The following RNF24 variants were observed in gnomAD, a reference collection of about 807,000 sequenced individuals.
The protein encoded by RNF24 is ring finger protein 24.
A neutral mutation model predicts 20.0 loss-of-function variants in RNF24; 14 were observed. The ratio of observed to expected loss-of-function variants is 0.70; its 90% CI spans 0.46 to 1.10. The LOEUF (loss-of-function observed/expected upper bound fraction) is 1.10. Ranked by LOEUF, RNF24 falls within the 50% of genes least tolerant of loss-of-function variation. The pLI, the probability that RNF24 is intolerant of heterozygous loss-of-function variation, is 0.00. For missense variants in RNF24, 124 were observed against 177.6 expected (o/e 0.70, Z 1.71); for synonymous variants, 45 against 61.1 (o/e 0.74, Z 1.23).
intron 1 of RNF24, among the ~76,000 whole-genome samples, chr20:4,011,542 A>G (rs572068262): frequency 7.2e-5 from 11 of 152,368 alleles, no homozygotes; most frequent in African/African-American, 2.6e-4. Flanking sequence ...CAGCAGGACC[A>G]TCTCCTGGGG....
chr20:3,991,916 G>T (rs1980471126), intron 1 of RNF24, among the ~76,000 whole-genome samples: 1 of 151,146 alleles, frequency 6.6e-6, no homozygotes, highest in Non-Finnish European at 1.5e-5. Flanking sequence ...AATAGAATAT[G>T]TGTGGCTATA....
chr20:3,938,210 T>A (rs572827286), intron 4 of RNF24, among the ~76,000 whole-genome samples: 1 of 152,370 alleles, frequency 6.6e-6, no homozygotes, highest in Admixed American at 6.5e-5. Flanking sequence ...GACCACCACA[T>A]ATCTTCTTTG....
intron 1 of RNF24, among the ~76,000 whole-genome samples, chr20:4,002,982 T>A (rs923173305): frequency 2.0e-5 from 3 of 152,202 alleles, no homozygotes; most frequent in African/African-American, 7.2e-5. Flanking sequence ...TTTTCTTTTT[T>A]CTTTTCTGAG....
intron 1 of RNF24, chr20:3,974,471 C>T: frequency 2.2e-6 from 3 of 1,346,642 alleles, no homozygotes; most frequent in Non-Finnish European, 2.9e-6. Flanking sequence ...TTAAACTGAG[C>T]CTATTTGCCA....
chr20:3,970,506 T>C (rs2091304165), intron 1 of RNF24, among the ~76,000 whole-genome samples: 1 of 152,170 alleles, frequency 6.6e-6, no homozygotes, highest in Non-Finnish European at 1.5e-5. Context: ...CAGATGCTAA[T>C]GTCAATGACA....
At chr20:3,948,422 C>A in intron 2 of RNF24, 143 bp from the exon 3 acceptor site, 1 of 593,528 alleles carries the variant, frequency 1.7e-6, no homozygotes, top group South Asian at 2.3e-5. Flanking sequence ...CTGAAATACA[C>A]CCAAATGATG....
rs539647039 is a variant in RNF24, at chr20:3,930,838, C to T, written c.*3225G>A. The T allele has an allele frequency of 2.0e-5, 3 of 152,212 alleles. No individual in the cohort carries two copies. Among genetic ancestry groups the T allele is most frequent in the African/African-American group, 7.2e-5 (3 of 41,446 alleles). 9.4% of individuals were successfully genotyped at this position (152,212 alleles called of 1,614,324 possible). ...GGGAAAAGGATCTTCTTGTCAAGAACAGGGTATCCGGCAATGGTGGGAGGT... is the reference window on the plus strand; with the variant it reads ...GGGAAAAGGATCTTCTTGTCAAGAATAGGGTATCCGGCAATGGTGGGAGGT... On this transcript the variant is annotated 3_prime_UTR_variant, in exon 6 of 6. Coordinates refer to ENST00000358395, the MANE Select transcript of RNF24 (RefSeq NM_001134337.3).
At chr20:3,999,789 A>T (rs1981236346) in intron 1 of RNF24, among the ~76,000 whole-genome samples, 1 of 152,204 alleles carries the variant, frequency 6.6e-6, no homozygotes, top group South Asian at 2.1e-4. Flanking sequence ...AAACAAAAAA[A>T]GTCACTTCAT....
chr20:3,972,359 T>C (rs866530115), intron 1 of RNF24, among the ~76,000 whole-genome samples: 56 of 152,186 alleles, frequency 3.7e-4, no homozygotes, highest in African/African-American at 1.3e-3. Context: ...TCTTTTCAAA[T>C]ACCCATGGCA....
intron 1 of RNF24, among the ~76,000 whole-genome samples, chr20:3,967,420 CCAGT>C (rs1343029565): frequency 2.0e-5 from 3 of 152,044 alleles, no homozygotes; most frequent in South Asian, 2.1e-4. Context: ...TTCAAACCAC[CCAGT>C]CAGTTTATTA....
chr20:3,995,550 T>C (rs1370845222), intron 1 of RNF24, among the ~76,000 whole-genome samples: 4 of 152,224 alleles, frequency 2.6e-5, no homozygotes, highest in Non-Finnish European at 5.9e-5. Flanking sequence ...AAGATGTTCA[T>C]GACTAATTCA....
intron 1 of RNF24, among the ~76,000 whole-genome samples, chr20:3,982,877 A>G (rs1979542872): frequency 6.6e-6 from 1 of 152,204 alleles, no homozygotes; most frequent in South Asian, 2.1e-4. Context: ...TACATGACAG[A>G]GTGAGACCCT....
chr20:3,964,863 T>G (rs1008624903), intron 1 of RNF24, among the ~76,000 whole-genome samples: 2 of 152,110 alleles, frequency 1.3e-5, no homozygotes, highest in Non-Finnish European at 2.9e-5. Flanking sequence ...CTTAGACAGT[T>G]CTGGTCCCAT....
intron 1 of RNF24, among the ~76,000 whole-genome samples, chr20:4,003,127 G>A (rs988359667): frequency 5.3e-5 from 8 of 151,984 alleles, no homozygotes; most frequent in African/African-American, 1.5e-4. Context: ...CTGCCACGGC[G>A]CCCGGCTAAT....
At position 3,933,079 on chromosome 20, in the gene RNF24, T is replaced by C. The variant is rs1600612879; in HGVS notation, c.*984A>G. 1 of 394,336 alleles carries C rather than the reference T, an allele frequency of 2.5e-6. No individual in the cohort carries two copies. Among genetic ancestry groups the C allele is most frequent in the African/African-American group, 2.1e-5 (1 of 46,774 alleles). The allele number at this position is 394,336 out of a possible 1,614,324, so 24.4% of individuals were successfully genotyped here. A position where few individuals can be genotyped will look rare whatever the true frequency, so the allele number is the denominator to read the frequency against. On this transcript the variant is annotated 3_prime_UTR_variant, in exon 6 of 6. Transcript: ENST00000358395. ...AATGACAGGCTTTTTTTTTTTTTTT[T>C]TTTTTTTTCTGAAGTAGAAAGAGAG...
intron 4 of RNF24, 65 bp from the exon 5 acceptor site, chr20:3,935,138 G>A (rs999897410): frequency 5.8e-6 from 8 of 1,372,722 alleles, no homozygotes; most frequent in African/African-American, 1.4e-5. Flanking sequence ...ACAAAGTAGA[G>A]TGCAGGCTCC....
At chr20:4,005,279 C>T (rs1981773919) in intron 1 of RNF24, among the ~76,000 whole-genome samples, 1 of 152,072 alleles carries the variant, frequency 6.6e-6, no homozygotes, top group Admixed American at 6.6e-5. Context: ...TGTAGGTTAA[C>T]CAATATGAAA....
intron 2 of RNF24, among the ~76,000 whole-genome samples, chr20:3,950,914 A>T (rs2091073856): frequency 6.6e-6 from 1 of 152,070 alleles, no homozygotes; most frequent in Non-Finnish European, 1.5e-5. Context: ...CCAATCCAGG[A>T]TCCCATCTTG....
intron 1 of RNF24, among the ~76,000 whole-genome samples, chr20:3,977,551 TA>T (rs1370014773): frequency 5.9e-5 from 9 of 151,556 alleles, no homozygotes; most frequent in African/African-American, 2.2e-4. Context: ...ATGAGAAAAA[TA>T]AATGGTTTAA....
Sources: allele counts gnomAD v4.1 joint callset (sites outside exome capture counted in the v4.1 genomes callset), GRCh38; gene constraint gnomAD v4.1.1; transcripts MANE v1.5; gene names NCBI Gene and HGNC (gene_info 2026-07-23, HGNC 2026-07-21).